Variants in PDZRN4 observed in about 807,000 individuals in gnomAD.
PDZRN4 encodes the protein PDZ domain containing ring finger 4, also known as PDZ domain-containing RING finger protein 4.
In PDZRN4, 70 loss-of-function variants were observed where a neutral mutation model predicts 99.0. That is an observed-to-expected ratio of 0.71 (90% CI 0.58 to 0.86). PDZRN4 has a LOEUF of 0.86. PDZRN4 is among the 40% of genes least tolerant of loss of function. The pLI, the probability that PDZRN4 is intolerant of heterozygous loss-of-function variation, is 0.00. For missense variants in PDZRN4, 1,474 were observed against 1,331.2 expected (o/e 1.11, Z -1.67); for synonymous variants, 551 against 501.6 (o/e 1.10, Z -1.32).
chr12:41,286,527 A>C (rs1322227154), intron 3 of PDZRN4, among the ~76,000 whole-genome samples: 1 of 152,074 alleles, frequency 6.6e-6, no homozygotes, highest in Non-Finnish European at 1.5e-5. Context: ...GTCTGTGAGG[A>C]AGTTTGTGTA....
At chr12:41,509,965 G>C in intron 5 of PDZRN4, 52 bp downstream of exon 5, 2 of 842,934 alleles carry the variant, frequency 2.4e-6, no homozygotes, top group Non-Finnish European at 3.9e-6. Flanking sequence ...TACGGTTGAG[G>C]GGTTTTGTAT....
chr12:41,347,680 C>T lies in PDZRN4; in HGVS notation c.843+153492C>T, dbSNP rs1369217900. On this transcript the variant is annotated intron_variant, in intron 3 of 9. Coordinates refer to ENST00000402685, the MANE Select transcript of PDZRN4 (RefSeq NM_001164595.2). ...AACTAATGTATATTTTCTTTTGTTA[C>T]TTATGCTTTAGGTGTCATATCTAAG... Among the ~76,000 whole-genome samples, 3 of 151,978 alleles carry T rather than the reference C, an allele frequency of 2.0e-5. No individual in the cohort carries two copies. The East Asian group carries it at 5.8e-4, about 29-fold the overall frequency.
chr12:41,234,298 A>G (rs887691663), intron 3 of PDZRN4, among the ~76,000 whole-genome samples: 46 of 152,280 alleles, frequency 3.0e-4, no homozygotes, highest in African/African-American at 1.0e-3. Context: ...ATTCTCATGT[A>G]AATTAGGAAT....
chr12:41,359,905 A>C (rs998403060), intron 3 of PDZRN4, among the ~76,000 whole-genome samples: 3 of 152,052 alleles, frequency 2.0e-5, no homozygotes, highest in African/African-American at 7.2e-5. Flanking sequence ...AATTTAAAAA[A>C]TCATTTCTAA....
intron 3 of PDZRN4, among the ~76,000 whole-genome samples, chr12:41,496,567 T>C (rs550887796): frequency 6.6e-6 from 1 of 152,164 alleles, no homozygotes; most frequent in African/African-American, 2.4e-5. Flanking sequence ...TGACAGGGCA[T>C]TGAGGGGTTT....
At chr12:41,409,155 A>T (rs929346156) in intron 3 of PDZRN4, among the ~76,000 whole-genome samples, 1 of 152,174 alleles carries the variant, frequency 6.6e-6, no homozygotes, top group Admixed American at 6.5e-5. Flanking sequence ...TATTAATATA[A>T]CCTGTAAATA....
At position 41,189,802 on chromosome 12, in the gene PDZRN4, T is replaced by C. The variant is rs1012744995; in HGVS notation, c.648+699T>C. Among the ~76,000 whole-genome samples, 6 of 152,156 alleles carry C rather than the reference T, an allele frequency of 3.9e-5. 1 individual carries two copies. Among genetic ancestry groups the C allele is most frequent in the African/African-American group, 1.4e-4 (6 of 41,496 alleles). ...GAGAGAGAGAGAGAGATTGAGATTG[T>C]GTGTGTGCGACCTGGGAAGTCCAGT... On this transcript the variant is annotated intron_variant, in intron 1 of 9. Transcript: ENST00000402685.
chr12:41,373,113 T>C (rs756426433), intron 3 of PDZRN4, among the ~76,000 whole-genome samples: 14 of 152,026 alleles, frequency 9.2e-5, no homozygotes, highest in Non-Finnish European at 1.6e-4. Flanking sequence ...AGTGTATGAA[T>C]AGGGTGTGGG....
intron 5 of PDZRN4, among the ~76,000 whole-genome samples, chr12:41,536,761 T>TAAAA (rs59008796): frequency 7.3e-6 from 1 of 137,386 alleles, no homozygotes; most frequent in African/African-American, 2.7e-5. Context: ...TATTGAAAAG[T>TAAAA]AAAAAAAAAA....
chr12:41,197,743 G>T (rs1040056403), intron 3 of PDZRN4, among the ~76,000 whole-genome samples: 7 of 151,958 alleles, frequency 4.6e-5, no homozygotes, highest in African/African-American at 1.7e-4. Context: ...TGATCCTATC[G>T]AAGGTTGGGC....
chr12:41,375,031 T>G (rs1952069339), intron 3 of PDZRN4, among the ~76,000 whole-genome samples: 1 of 152,136 alleles, frequency 6.6e-6, no homozygotes, highest in Admixed American at 6.5e-5. Flanking sequence ...TGTAGAACAG[T>G]TTCGTAGACA....
At chr12:41,273,011 T>G (rs1248422630) in intron 3 of PDZRN4, among the ~76,000 whole-genome samples, 1 of 152,026 alleles carries the variant, frequency 6.6e-6, no homozygotes, top group African/African-American at 2.4e-5. Flanking sequence ...TCTTGGCAGT[T>G]CCTAAAAGGC....
chr12:41,390,082 T>C (rs1410928765), intron 3 of PDZRN4, among the ~76,000 whole-genome samples: 2 of 152,124 alleles, frequency 1.3e-5, no homozygotes, highest in African/African-American at 2.4e-5. Flanking sequence ...CTTGGGTAGG[T>C]GCCTGAGATT....
intron 5 of PDZRN4, among the ~76,000 whole-genome samples, chr12:41,536,591 A>T (rs1002764423): frequency 2.2e-4 from 33 of 152,108 alleles, no homozygotes; most frequent in Admixed American, 2.0e-3. Context: ...AGAGATGATG[A>T]TGTGTTAATG....
intron 6 of PDZRN4, among the ~76,000 whole-genome samples, chr12:41,554,528 A>T (rs1436057227): frequency 6.6e-6 from 1 of 152,098 alleles, no homozygotes; most frequent in African/African-American, 2.4e-5. Context: ...TAACATATGG[A>T]TAGGATGGAT....
intron 3 of PDZRN4, among the ~76,000 whole-genome samples, chr12:41,328,259 A>G (rs1271521112): frequency 6.6e-6 from 1 of 152,192 alleles, no homozygotes; most frequent in African/African-American, 2.4e-5. Flanking sequence ...TTTGATGGCT[A>G]TGCACTAGAT....
intron 3 of PDZRN4, among the ~76,000 whole-genome samples, chr12:41,505,465 T>A (rs553437278): frequency 3.3e-5 from 5 of 152,266 alleles, no homozygotes; most frequent in Admixed American, 3.3e-4. Context: ...TTTAGGGGAA[T>A]AAATTGACAA....
At chr12:41,298,067 A>G (rs528696518) in intron 3 of PDZRN4, among the ~76,000 whole-genome samples, 19 of 152,286 alleles carry the variant, frequency 1.2e-4, no homozygotes, top group African/African-American at 4.6e-4. Flanking sequence ...CCTACAGAAT[A>G]CAGAAACCAA....
chr12:41,240,786 C>A (rs144521445), intron 3 of PDZRN4, among the ~76,000 whole-genome samples: 88 of 152,182 alleles, frequency 5.8e-4, no homozygotes, highest in African/African-American at 2.0e-3. Flanking sequence ...TTGATATAAG[C>A]GCACTAATCC....
Sources: gnomAD v4.1 joint callset for allele counts (sites outside exome capture counted in the v4.1 genomes callset) on GRCh38, gnomAD v4.1.1 for gene constraint, MANE v1.5 for transcripts, NCBI Gene and HGNC (gene_info 2026-07-23, HGNC 2026-07-21) for gene names.